Variants in EBPL observed in about 807,000 individuals in gnomAD.
The protein encoded by EBPL is emopamil-binding protein-like.
In EBPL, 20 loss-of-function variants were observed where a neutral mutation model predicts 19.0. That is an observed-to-expected ratio of 1.05 (90% confidence interval 0.74 to 1.53). The LOEUF is 1.53. EBPL is among the 40% of genes most tolerant of loss of function. EBPL has a pLI of 0.00. For synonymous variants in EBPL, 107 were observed against 117.0 expected (o/e 0.91, Z 0.55); for missense variants, 219 against 261.1 (o/e 0.84, Z 1.11).
chr13:49,688,459 C>T (rs1297641064), intron 1 of EBPL, among the ~76,000 whole-genome samples: 1 of 152,190 alleles, frequency 6.6e-6, no homozygotes, highest in East Asian at 1.9e-4. Context: ...GTGGCTCACG[C>T]CTGTAATCCC....
intron 1 of EBPL, among the ~76,000 whole-genome samples, chr13:49,680,983 GC>G (rs1245834953): frequency 6.6e-6 from 1 of 152,138 alleles, no homozygotes; most frequent in Non-Finnish European, 1.5e-5. Flanking sequence ...TTCCATGGTA[GC>G]CTTCAAGAAT....
chr13:49,685,056 C>T (rs909030976), intron 1 of EBPL, among the ~76,000 whole-genome samples: 1 of 152,134 alleles, frequency 6.6e-6, no homozygotes, highest in African/African-American at 2.4e-5. Flanking sequence ...CAGGTGCATG[C>T]TACCACGCCT....
At chr13:49,664,536 A>G (rs761551389) in intron 2 of EBPL, among the ~76,000 whole-genome samples, 1 of 152,200 alleles carries the variant, frequency 6.6e-6, no homozygotes, top group Non-Finnish European at 1.5e-5. Flanking sequence ...AATGATGGCC[A>G]GGTATTATGG....
At chr13:49,667,785 A>G (rs1953755044) in intron 2 of EBPL, among the ~76,000 whole-genome samples, 1 of 152,202 alleles carries the variant, frequency 6.6e-6, no homozygotes, top group African/African-American at 2.4e-5. Context: ...GCACCCAGCT[A>G]GTTTTCACTT....
intron 2 of EBPL, among the ~76,000 whole-genome samples, chr13:49,664,364 G>C (rs980372572): frequency 6.6e-6 from 1 of 152,132 alleles, no homozygotes; most frequent in South Asian, 2.1e-4. Flanking sequence ...GTGGGCAGAG[G>C]GGCATCTCCG....
Position 49,663,168 on chromosome 13 carries a change from C to T in EBPL, c.269G>A (p.Arg90Lys). The T allele has an allele frequency of 6.2e-7, 1 of 1,614,186 alleles. No homozygotes were observed. Among genetic ancestry groups the T allele is most frequent in the South Asian group, 1.1e-5 (1 of 91,086 alleles). The change falls in exon 3 of 4, where the codon AGA (arginine) becomes AAA (lysine). Residue 90 changes from arginine (R) to lysine (K), a missense_variant. By Grantham distance (26) the Arg-to-Lys change is conservative. This residue lies in a region of EBPL where 170 missense variants were observed against 167.0 expected (regional missense o/e 1.02). Coordinates refer to ENST00000242827, the MANE Select transcript of EBPL (RefSeq NM_032565.5). The stretch of plus-strand genomic sequence containing the variant: ...AATGGTTGGATCAAAATAAACCCAT[C>T]TTGCATCAGCTTTGCCATATTCTTT... ...LWKEYGKADA[R>K]WVYFDPTIVS...
Position 49,663,877 on chromosome 13 carries a change from A to G in EBPL, c.242-682T>C, listed in dbSNP as rs370351471. ...GAGGCGGAGCTTGCAGTGAGCCGAGATTGCGCCACTGCACTCCAGCCTGGG... is the reference window on the plus strand; with the variant it reads ...GAGGCGGAGCTTGCAGTGAGCCGAGGTTGCGCCACTGCACTCCAGCCTGGG... On this transcript the variant is annotated intron_variant, in intron 2 of 3. Transcript: ENST00000242827. Among the ~76,000 whole-genome samples the G allele has an allele frequency of 3.9e-3, 589 of 150,892 alleles. 4 individuals carry two copies. The highest frequency in any genetic ancestry group is 0.011 in the African/African-American group (437 of 41,020).
rs1283123052 is a variant in EBPL at position 49,691,251 on chromosome 13, T to C, written c.171+3A>G. On this transcript the variant is annotated splice_donor_region_variant and intron_variant, in intron 1 of 3. Coordinates refer to ENST00000242827, the MANE Select transcript of EBPL (RefSeq NM_032565.5). ...AGTGCAGGGTCTAGGCGATGGCACT[T>C]ACCAGCGCGAAGTGCACCAGCGCGT... The C allele has an allele frequency of 2.9e-6, 4 of 1,384,392 alleles. No homozygotes were observed. In the East Asian group the frequency reaches 1.1e-4, roughly 40 times the overall value. The allele number at this position is 1,384,392 out of a possible 1,614,324, so 85.8% of individuals were successfully genotyped here.
chr13:49,673,736 C>T (rs930351057), intron 1 of EBPL, among the ~76,000 whole-genome samples: 12 of 151,958 alleles, frequency 7.9e-5, no homozygotes, highest in African/African-American at 2.7e-4. Flanking sequence ...CATGGCCAAC[C>T]CTGTGGTTAC....
chr13:49,665,121 T>A (rs1406126703), intron 2 of EBPL, among the ~76,000 whole-genome samples: 1 of 151,926 alleles, frequency 6.6e-6, no homozygotes, highest in Admixed American at 6.5e-5. Flanking sequence ...GTCTTTTTTT[T>A]TTTTTTTTTG....
chr13:49,688,738 AAG>A (rs1954028699), intron 1 of EBPL, among the ~76,000 whole-genome samples: 1 of 150,764 alleles, frequency 6.6e-6, no homozygotes, highest in African/African-American at 2.4e-5. Context: ...AAAAAAAAAA[AAG>A]AAGTGTCGGG....
chr13:49,666,773 C>A (rs1305349362), intron 2 of EBPL, among the ~76,000 whole-genome samples: 1 of 149,444 alleles, frequency 6.7e-6, no homozygotes, highest in East Asian at 2.0e-4. Context: ...ACCTGTAGTT[C>A]CAGCTACTTG....
intron 1 of EBPL, among the ~76,000 whole-genome samples, chr13:49,674,572 G>A (rs1464229306): frequency 1.4e-5 from 2 of 143,278 alleles, no homozygotes; most frequent in Non-Finnish European, 3.0e-5. Context: ...AGAGTACCAT[G>A]ACTAAATGAA....
chr13:49,691,287 C>A lies in EBPL; in HGVS notation c.138G>T (p.Trp46Cys), dbSNP rs1311976234. 2 of 1,396,312 alleles carry A rather than the reference C, an allele frequency of 1.4e-6. No homozygotes were observed. Among genetic ancestry groups the A allele is most frequent in the African/African-American group, 1.5e-5 (1 of 67,360 alleles). The allele number at this position is 1,396,312 out of a possible 1,614,324, so 86.5% of individuals were successfully genotyped here. Residue 46 changes from tryptophan to cysteine, a missense_variant, in exon 1 of 4, where the codon TGG (tryptophan) becomes TGT (cysteine). Physicochemically the swap from Trp to Cys is radical, Grantham distance 215 (BLOSUM62 -2). Around this residue, in one of 2 missense-constraint regions of EBPL, gnomAD observed 170 missense variants for 167.0 expected, o/e 1.02. Transcript: ENST00000242827. ...AGTGCACCAGCGCGTCGTAGCAGAGCCAGATGAGCGCCCCGCGGTCCGCCG... is the reference window on the plus strand; with the variant it reads ...AGTGCACCAGCGCGTCGTAGCAGAGACAGATGAGCGCCCCGCGGTCCGCCG... ...QGAADRGALIWLCYDALVHFA... is the reference protein window; with the variant it reads ...QGAADRGALICLCYDALVHFA...
At chr13:49,671,467 A>T (rs1034274833) in intron 1 of EBPL, among the ~76,000 whole-genome samples, 8 of 152,192 alleles carry the variant, frequency 5.3e-5, no homozygotes, top group Admixed American at 5.2e-4. Flanking sequence ...AAAGGACATT[A>T]AAAAAATCAT....
intron 2 of EBPL, among the ~76,000 whole-genome samples, chr13:49,665,969 CTGAGGGCTATGGTGA>C (rs1290368129): frequency 6.6e-6 from 1 of 152,170 alleles, no homozygotes; most frequent in Non-Finnish European, 1.5e-5. Flanking sequence ...GGACTTCTGC[CTGAGGGCTATGGTGA>C]TGGCTGAACA....
At chr13:49,688,736 A>G (rs937336660) in intron 1 of EBPL, among the ~76,000 whole-genome samples, 1 of 151,564 alleles carries the variant, frequency 6.6e-6, no homozygotes, top group Non-Finnish European at 1.5e-5. Flanking sequence ...AAAAAAAAAA[A>G]AAAGAAGTGT....
intron 2 of EBPL, among the ~76,000 whole-genome samples, chr13:49,664,072 C>T (rs751820435): frequency 7.9e-5 from 12 of 152,110 alleles, no homozygotes; most frequent in Non-Finnish European, 1.2e-4. Flanking sequence ...GCCAACATGG[C>T]GAAACCGTGT....
chr13:49,679,138 G>C (rs1361600277), intron 1 of EBPL, among the ~76,000 whole-genome samples: 1 of 152,156 alleles, frequency 6.6e-6, no homozygotes, highest in African/African-American at 2.4e-5. Flanking sequence ...GAATTGTAGA[G>C]AATGGAGACA....
Sources: allele counts gnomAD v4.1 joint callset (sites outside exome capture counted in the v4.1 genomes callset), GRCh38; gene constraint gnomAD v4.1.1; regional missense constraint gnomAD v4.1.1; transcripts MANE v1.5; gene names NCBI Gene and HGNC (gene_info 2026-07-23, HGNC 2026-07-21).